SGCG: variants seen among roughly 807,000 people sequenced by gnomAD.
The protein encoded by SGCG is sarcoglycan gamma.
Under a neutral mutation model 29.3 loss-of-function variants are expected in SGCG, and 26 were observed. The observed-to-expected ratio is 0.89, with a 90% CI of 0.65 to 1.23. The LOEUF (loss-of-function observed/expected upper bound fraction) is 1.23, where lower values mean the gene tolerates loss of function less well. Ranked by LOEUF, SGCG falls within the 50% of genes most tolerant of loss-of-function variation. SGCG has a pLI of 0.00. For synonymous variants in SGCG, 145 were observed against 129.7 expected (o/e 1.12, Z -0.80); for missense variants, 353 against 356.0 (o/e 0.99, Z 0.07).
chr13:23,230,220 C>T (rs1879058069), intron 2 of SGCG, among the ~76,000 whole-genome samples: 1 of 152,214 alleles, frequency 6.6e-6, no homozygotes, highest in Admixed American at 6.5e-5. Context: ...AATGTGATAA[C>T]TCCAGCCTTG....
chr13:23,219,003 T>A (rs900416896), intron 2 of SGCG, among the ~76,000 whole-genome samples: 18 of 149,146 alleles, frequency 1.2e-4, no homozygotes, highest in Non-Finnish European at 1.8e-4. Context: ...TAGTTTTTTT[T>A]AACAAATACT....
intron 6 of SGCG, among the ~76,000 whole-genome samples, chr13:23,317,385 A>G (rs1204662839): frequency 1.3e-5 from 2 of 152,218 alleles, no homozygotes; most frequent in African/African-American, 4.8e-5. Flanking sequence ...GGTTTGGCTC[A>G]CTCCACCAGG....
At position 23,272,559 on chromosome 13, in the gene SGCG, T is replaced by C. The variant is rs1339449738; in HGVS notation, c.386-6800T>C. ...GCTGTGCTTCTTTCTGGTACTTCTATTTAGAATTTTTTGCATTCATGAGTA... is the reference window on the plus strand; with the variant it reads ...GCTGTGCTTCTTTCTGGTACTTCTACTTAGAATTTTTTGCATTCATGAGTA... On this transcript the variant is annotated intron_variant, in intron 4 of 7. Transcript: ENST00000218867. Among the ~76,000 whole-genome samples, 6 of 152,354 alleles carry C rather than the reference T, an allele frequency of 3.9e-5. No individual in the cohort carries two copies. In the South Asian group the frequency reaches 8.3e-4, roughly 21 times the overall value.
At chr13:23,215,784 A>G (rs1028674355) in intron 2 of SGCG, among the ~76,000 whole-genome samples, 1 of 149,300 alleles carries the variant, frequency 6.7e-6, no homozygotes, top group African/African-American at 2.5e-5. Context: ...AGGTGTTAAT[A>G]GAGTAAGCTG....
intron 1 of SGCG, among the ~76,000 whole-genome samples, chr13:23,184,257 AG>A (rs1876877052): frequency 6.6e-6 from 1 of 152,212 alleles, no homozygotes; most frequent in Non-Finnish European, 1.5e-5. Context: ...AGCACAGTAT[AG>A]TTGATACATT....
At chr13:23,268,521 A>T (rs1292085829) in intron 4 of SGCG, 1 of 152,822 alleles carries the variant, frequency 6.5e-6, no homozygotes, top group Non-Finnish European at 1.5e-5. Context: ...AATGCTACAG[A>T]TTACATTTCA....
chr13:23,212,823 G>C (rs1160747593), intron 2 of SGCG, among the ~76,000 whole-genome samples: 2 of 152,128 alleles, frequency 1.3e-5, no homozygotes, highest in Non-Finnish European at 2.9e-5. Context: ...GGTTTGGTTT[G>C]CAGACACTGC....
At chr13:23,187,031 C>T (rs753714400) in intron 1 of SGCG, among the ~76,000 whole-genome samples, 2 of 152,186 alleles carry the variant, frequency 1.3e-5, no homozygotes, top group Non-Finnish European at 2.9e-5. Context: ...TCAGTGTCTG[C>T]TGTGGACAGT....
intron 5 of SGCG, 83 bp from the exon 6 acceptor site, chr13:23,295,332 T>A (rs2137644399): frequency 8.8e-7 from 1 of 1,132,360 alleles, no homozygotes; most frequent in East Asian, 2.3e-5. Flanking sequence ...CCATATGTTC[T>A]TTAATATCTA....
intron 4 of SGCG, among the ~76,000 whole-genome samples, chr13:23,260,955 G>A (rs7399816): frequency 0.16 from 24,910 of 151,910 alleles, 2,475 homozygotes; most frequent in Admixed American, 0.22. Flanking sequence ...CTTTCTCTCT[G>A]GCTGCCGTTA....
chr13:23,231,586 A>C (rs938590396), intron 2 of SGCG, among the ~76,000 whole-genome samples: 2 of 152,170 alleles, frequency 1.3e-5, no homozygotes, highest in Non-Finnish European at 2.9e-5. Flanking sequence ...GTAGTCTTGA[A>C]ATTCTGCTTT....
At chr13:23,181,402 G>A (rs1287653866) in intron 1 of SGCG, among the ~76,000 whole-genome samples, 4 of 152,116 alleles carry the variant, frequency 2.6e-5, no homozygotes, top group African/African-American at 9.7e-5. Context: ...TTTAAACAAA[G>A]TATTATCTTT....
At chr13:23,191,031 CAG>C (rs1017098974) in intron 1 of SGCG, among the ~76,000 whole-genome samples, 1 of 152,058 alleles carries the variant, frequency 6.6e-6, no homozygotes, top group Non-Finnish European at 1.5e-5. Context: ...TTCTGGATAA[CAG>C]AACACAAAAT....
chr13:23,245,164 G>A (rs1336454593), intron 3 of SGCG: 1 of 152,174 alleles, frequency 6.6e-6, no homozygotes, highest in Non-Finnish European at 1.5e-5. Flanking sequence ...GAGCGTTTGG[G>A]GTTCCTTTCG....
intron 4 of SGCG, among the ~76,000 whole-genome samples, chr13:23,275,129 A>G (rs1337497523): frequency 3.4e-5 from 5 of 147,388 alleles, no homozygotes; most frequent in African/African-American, 1.2e-4. Flanking sequence ...GAATATATAT[A>G]TATATATATA....
chr13:23,216,165 TCTG>T (rs1878420518), intron 2 of SGCG, among the ~76,000 whole-genome samples: 3 of 152,106 alleles, frequency 2.0e-5, no homozygotes, highest in Admixed American at 1.3e-4. Flanking sequence ...TCTCACGTCT[TCTG>T]AGAGGCATTC....
chr13:23,192,809 C>T (rs995666429), intron 1 of SGCG, among the ~76,000 whole-genome samples: 1 of 152,162 alleles, frequency 6.6e-6, no homozygotes, highest in Non-Finnish European at 1.5e-5. Flanking sequence ...ATCTATTTGA[C>T]CAATACATTG....
chr13:23,227,199 G>T (rs58203694), intron 2 of SGCG, among the ~76,000 whole-genome samples: 1,725 of 152,058 alleles, frequency 0.011, 26 homozygotes, highest in African/African-American at 0.039. Flanking sequence ...TGATGTGGTA[G>T]GTGAGCAATC....
chr13:23,304,665 A>G (rs1300506299), intron 6 of SGCG, among the ~76,000 whole-genome samples: 2 of 151,910 alleles, frequency 1.3e-5, no homozygotes, highest in Non-Finnish European at 2.9e-5. Context: ...GTGCAGTGGC[A>G]GGATCCCAGC....
Sources: allele counts gnomAD v4.1 joint callset (sites outside exome capture counted in the v4.1 genomes callset), GRCh38; gene constraint gnomAD v4.1.1; transcripts MANE v1.5; gene names NCBI Gene and HGNC (gene_info 2026-07-23, HGNC 2026-07-21).